The following DNM3 variants were observed in gnomAD, a reference collection of about 807,000 sequenced individuals.
DNM3 encodes dynamin-3.
Under a neutral mutation model 101.6 loss-of-function variants are expected in DNM3, and 47 were observed. The ratio of observed to expected loss-of-function variants is 0.46; its 90% CI spans 0.37 to 0.59. DNM3 has a LOEUF of 0.59. DNM3 is among the 20% of genes least tolerant of loss of function. DNM3 has a pLI of 0.00. For synonymous variants in DNM3, 385 were observed against 387.9 expected (o/e 0.99, Z 0.09); for missense variants, 849 against 1,085.7 (o/e 0.78, Z 3.06).
intron 2 of DNM3, among the ~76,000 whole-genome samples, chr1:171,931,358 G>A (rs1024688910): frequency 6.6e-6 from 1 of 152,060 alleles, no homozygotes; most frequent in Admixed American, 6.6e-5. Flanking sequence ...CAAAGGACAG[G>A]CTCAAGTCCT....
chr1:171,939,892 T>C lies in DNM3; in HGVS notation c.235+18071T>C, dbSNP rs542225760. 5.3e-5 allele frequency among the ~76,000 whole-genome samples: 8 copies of C among 152,234 alleles called. No homozygotes were observed. In the South Asian group the frequency reaches 1.7e-3, roughly 32 times the overall value. ...CCTGTATTTGCATTTGTTAGATGAG[T>C]TGGAGTAGTCTGGAAGGCATTGTCT... On this transcript the variant is annotated intron_variant, in intron 2 of 20. Coordinates refer to ENST00000627582, the MANE Select transcript of DNM3 (RefSeq NM_015569.5).
At chr1:172,172,172 G>A (rs12129264) in intron 14 of DNM3, among the ~76,000 whole-genome samples, 38,829 of 151,412 alleles carry the variant, frequency 0.26, 5,471 homozygotes, top group Middle Eastern at 0.34. Context: ...TAACAACTTG[G>A]GTGCTGCTGC....
intron 14 of DNM3, among the ~76,000 whole-genome samples, chr1:172,238,737 T>C (rs1221364026): frequency 6.6e-6 from 1 of 151,358 alleles, no homozygotes; most frequent in Admixed American, 6.6e-5. Context: ...ACCTAGAAAC[T>C]AGGCAGCAGC....
At position 171,901,112 on chromosome 1, in the gene DNM3, C is replaced by CAAA. The variant is rs1243053508; in HGVS notation, c.162-20619_162-20617dup. ...TGGGCGACAGAGCGAGACTCTGTCT[C>CAAA]AAAAAAAAAAAAAAAAAAAGAAAGA... On this transcript the variant is annotated intron_variant, in intron 1 of 20. Transcript: ENST00000627582. Among the ~76,000 whole-genome samples, 237 of 66,618 alleles carry CAAA rather than the reference C, an allele frequency of 3.6e-3. 25 individuals are homozygous for CAAA. Among genetic ancestry groups the CAAA allele is most frequent in the African/African-American group, 4.7e-3 (75 of 15,964 alleles). The allele number at this position is 66,618 out of a possible 152,430, so 43.7% of individuals were successfully genotyped here.
chr1:172,234,089 G>A (rs936227379), intron 14 of DNM3, among the ~76,000 whole-genome samples: 2 of 152,102 alleles, frequency 1.3e-5, no homozygotes, highest in African/African-American at 4.8e-5. Flanking sequence ...TAGGAAAAGA[G>A]GAAGTCAAAT....
At chr1:172,255,054 C>T (rs1386376974) in intron 15 of DNM3, among the ~76,000 whole-genome samples, 5 of 152,020 alleles carry the variant, frequency 3.3e-5, no homozygotes, top group East Asian at 3.9e-4. Flanking sequence ...CAAAAGAAGA[C>T]GTCTTCCTAC....
At chr1:172,402,491 C>A (rs1340688351) in intron 20 of DNM3, among the ~76,000 whole-genome samples, 3 of 152,178 alleles carry the variant, frequency 2.0e-5, no homozygotes, top group South Asian at 2.1e-4. Flanking sequence ...CAAATAACTA[C>A]CCTTTTAAGC....
chr1:171,872,798 T>A (rs181559966), intron 1 of DNM3, among the ~76,000 whole-genome samples: 2,179 of 152,166 alleles, frequency 0.014, 58 homozygotes, highest in African/African-American at 0.047. Context: ...TGTTTTTTTT[T>A]AATTCAGGTC....
chr1:172,357,632 G>A (rs1439638866), intron 17 of DNM3, among the ~76,000 whole-genome samples: 2 of 152,028 alleles, frequency 1.3e-5, no homozygotes, highest in Admixed American at 6.6e-5. Context: ...CATGATTGAG[G>A]ATTAGATCCT....
At chr1:172,227,024 C>G (rs1231756815) in intron 14 of DNM3, among the ~76,000 whole-genome samples, 1 of 151,378 alleles carries the variant, frequency 6.6e-6, no homozygotes, top group Non-Finnish European at 1.5e-5. Flanking sequence ...ATACACTGTA[C>G]CAGTACGTAG....
At chr1:172,050,200 A>T (rs368967342) in intron 10 of DNM3, among the ~76,000 whole-genome samples, 17 of 152,184 alleles carry the variant, frequency 1.1e-4, no homozygotes, top group African/African-American at 3.4e-4. Flanking sequence ...ACTCTTCAGA[A>T]TGCAACCTAT....
Position 172,308,760 on chromosome 1 carries a change from T to TTCCCAGGA in DNM3, c.1802_1803insTCCCAGGA (p.Ala602ProfsTer19), listed in dbSNP as rs749914479. 6.2e-7 allele frequency: 1 copy of TTCCCAGGA among 1,607,900 alleles called. No homozygotes were observed. Among genetic ancestry groups the TTCCCAGGA allele is most frequent in the South Asian group, 1.1e-5 (1 of 89,774 alleles). On this transcript the variant is annotated frameshift_variant, in exon 16 of 21. Coordinates refer to ENST00000627582, the MANE Select transcript of DNM3 (RefSeq NM_015569.5). LOFTEE classifies it high-confidence loss of function. ...TACAAAGACTATCGCTTCCTTGAGC[T>TTCCCAGGA]GGCATGTGATTCCCAGGAGGATGTC...
intron 15 of DNM3, among the ~76,000 whole-genome samples, chr1:172,287,759 A>G (rs968559057): frequency 6.7e-6 from 1 of 150,344 alleles, no homozygotes; most frequent in African/African-American, 2.4e-5. Flanking sequence ...AAAGATAAGG[A>G]AAAAAGTATT....
At chr1:172,145,324 G>C (rs113199612) in intron 14 of DNM3, among the ~76,000 whole-genome samples, 10,966 of 140,698 alleles carry the variant, frequency 0.078, 1,110 homozygotes, top group African/African-American at 0.24. Context: ...CTGTCTGTCT[G>C]TCTCTCTCTC....
chr1:171,853,386 T>A (rs1419736068), intron 1 of DNM3, among the ~76,000 whole-genome samples: 3 of 152,096 alleles, frequency 2.0e-5, no homozygotes, highest in Admixed American at 6.6e-5. Context: ...AGGCTGGTCT[T>A]GAACTCCTGG....
chr1:171,922,123 T>TTGTGTGTG (rs3051604), intron 2 of DNM3, among the ~76,000 whole-genome samples: 138 of 135,808 alleles, frequency 1.0e-3, no homozygotes, highest in African/African-American at 2.5e-3. Flanking sequence ...TTGGTATGCT[T>TTGTGTGTG]TGTGTGTGTG....
rs533322442 is a variant in DNM3 at position 171,920,028 on chromosome 1, A to T, written c.162-1720A>T. 9.2e-5 allele frequency among the ~76,000 whole-genome samples: 14 copies of T among 152,370 alleles called. No individual in the cohort carries two copies. The South Asian group carries it at 2.9e-3, about 32-fold the overall frequency. The stretch of plus-strand genomic sequence containing the variant: ...AATTTCACTATTTTCTATTGTAGTC[A>T]TATACGTTGACATTCTAAATGAACT... On this transcript the variant is annotated intron_variant, in intron 1 of 20. Coordinates refer to ENST00000627582, the MANE Select transcript of DNM3 (RefSeq NM_015569.5).
At chr1:172,044,519 G>C in intron 9 of DNM3, 67 bp downstream of exon 9, 1 of 1,340,966 alleles carries the variant, frequency 7.5e-7, no homozygotes, top group Non-Finnish European at 1.0e-6. Flanking sequence ...TTTATAAATG[G>C]CTAGGAAACT....
intron 15 of DNM3, among the ~76,000 whole-genome samples, chr1:172,259,155 T>C (rs1192809682): frequency 6.6e-6 from 1 of 152,150 alleles, no homozygotes; most frequent in Non-Finnish European, 1.5e-5. Context: ...GAGATTTGTT[T>C]TGTGTCCTAC....
Sources: allele counts gnomAD v4.1 joint callset (sites outside exome capture counted in the v4.1 genomes callset), GRCh38; gene constraint gnomAD v4.1.1; transcripts MANE v1.5; gene names NCBI Gene and HGNC (gene_info 2026-07-23, HGNC 2026-07-21).